RGS7: variants seen among roughly 807,000 people sequenced by gnomAD.
RGS7 encodes regulator of G-protein signaling 7.
RGS7 carries 27 observed loss-of-function variants against 81.1 expected under a neutral mutation model. The ratio of observed to expected loss-of-function variants is 0.33; its 90% CI spans 0.25 to 0.46. The LOEUF (loss-of-function observed/expected upper bound fraction) is 0.46. Among genes scored for constraint, RGS7 ranks in the 20% least tolerant of loss-of-function variants. The pLI is 1.00. For missense variants in RGS7, 396 were observed against 607.4 expected, an observed-to-expected ratio of 0.65 and a Z score of 3.66; for synonymous variants, 208 against 207.7, an observed-to-expected ratio of 1.00 and a Z score of -0.01.
intron 9 of RGS7, among the ~76,000 whole-genome samples, chr1:240,863,409 A>T (rs1662609513): frequency 6.6e-6 from 1 of 152,152 alleles, no homozygotes; most frequent in Non-Finnish European, 1.5e-5. Flanking sequence ...GGGGAGGTGG[A>T]GGTTGCAGTG....
intron 9 of RGS7, among the ~76,000 whole-genome samples, chr1:240,853,850 G>A (rs942803367): frequency 2.6e-4 from 31 of 120,752 alleles, no homozygotes; most frequent in Admixed American, 9.4e-4. Flanking sequence ...GCAGTGAGCC[G>A]AGATCAGGCC....
intron 3 of RGS7, among the ~76,000 whole-genome samples, chr1:241,081,899 G>A (rs1533575): frequency 0.022 from 3,276 of 152,266 alleles, 109 homozygotes; most frequent in African/African-American, 0.074. Flanking sequence ...TGGTTGTACT[G>A]AGAAGAATTT....
chr1:241,001,413 T>C (rs1364893072), intron 3 of RGS7, among the ~76,000 whole-genome samples: 2 of 152,044 alleles, frequency 1.3e-5, no homozygotes, highest in African/African-American at 4.8e-5. Flanking sequence ...ATAGTAAGGA[T>C]AAATAGTAAA....
At chr1:240,912,028 G>A (rs1671836532) in intron 6 of RGS7, among the ~76,000 whole-genome samples, 1 of 151,132 alleles carries the variant, frequency 6.6e-6, no homozygotes, top group African/African-American at 2.4e-5. Context: ...GCAGGGGCCT[G>A]TAGTTCCAGC....
chr1:240,994,528 T>C (rs926474974), intron 3 of RGS7, among the ~76,000 whole-genome samples: 1 of 152,184 alleles, frequency 6.6e-6, no homozygotes, highest in Admixed American at 6.5e-5. Context: ...TATCCTGTAA[T>C]CTTTCTGGAC....
At chr1:241,210,833 CG>C (rs1165576001) in intron 2 of RGS7, among the ~76,000 whole-genome samples, 1 of 152,152 alleles carries the variant, frequency 6.6e-6, no homozygotes, top group African/African-American at 2.4e-5. Context: ...GGGACCTCCC[CG>C]GATCTCTACT....
chr1:240,822,261 A>G (rs1691931126), intron 10 of RGS7, among the ~76,000 whole-genome samples: 1 of 152,026 alleles, frequency 6.6e-6, no homozygotes, highest in African/African-American at 2.4e-5. Context: ...AAGGATATTT[A>G]CTCTTAAAAA....
chr1:240,933,102 TC>T (rs200405484), intron 5 of RGS7, among the ~76,000 whole-genome samples: 3,361 of 150,942 alleles, frequency 0.022, 79 homozygotes, highest in African/African-American at 0.071. Flanking sequence ...CAGGATGGTC[TC>T]CATCTCCTGA....
chr1:240,868,738 A>T lies in RGS7; in HGVS notation c.527+38T>A, dbSNP rs745709773. ...TGCCTCTCTGAACAAAAAGGCCACA[A>T]CTGGAACAAATCTTCCAAACGACTC... is the stretch of plus-strand genomic sequence containing the variant. On this transcript the variant is annotated intron_variant, in intron 8 of 18. Coordinates refer to ENST00000440928, the MANE Select transcript of RGS7 (RefSeq NM_001364886.1). This position sits in a 1 kb window ranked among gnomAD's most constrained non-coding sequence, Gnocchi z 5.1. 3.1e-6 allele frequency: 5 copies of T among 1,612,356 alleles called. No homozygotes were observed. Among genetic ancestry groups the T allele is most frequent in the Admixed American group, 1.7e-5 (1 of 59,986 alleles).
At chr1:240,896,592 G>A (rs1406305813) in intron 6 of RGS7, among the ~76,000 whole-genome samples, 1 of 152,172 alleles carries the variant, frequency 6.6e-6, no homozygotes, top group East Asian at 1.9e-4. Context: ...TCAGATGGTT[G>A]TAGATGTGTG....
At chr1:241,149,188 T>C (rs2068571352) in intron 2 of RGS7, among the ~76,000 whole-genome samples, 1 of 152,114 alleles carries the variant, frequency 6.6e-6, no homozygotes, top group African/African-American at 2.4e-5. Flanking sequence ...TTTTTTGAGA[T>C]GAAGTCTTGC....
At chr1:240,985,428 T>C (rs1216388208) in intron 3 of RGS7, among the ~76,000 whole-genome samples, 1 of 149,422 alleles carries the variant, frequency 6.7e-6, no homozygotes, top group Non-Finnish European at 1.5e-5. Flanking sequence ...TCTGTTACGC[T>C]TTCTTTCCTT....
intron 6 of RGS7, among the ~76,000 whole-genome samples, chr1:240,906,410 T>C (rs553412420): frequency 1.3e-5 from 2 of 152,304 alleles, no homozygotes; most frequent in South Asian, 4.1e-4. Context: ...GAGTGTTTCA[T>C]CTCGTGGTAT....
At chr1:241,188,267 A>AGT (rs1401062167) in intron 2 of RGS7, among the ~76,000 whole-genome samples, 50 of 143,972 alleles carry the variant, frequency 3.5e-4, no homozygotes, top group South Asian at 1.4e-3. Flanking sequence ...CTTCTATTAT[A>AGT]GTCCTTTTCT....
chr1:241,150,882 G>A (rs1030798333), intron 2 of RGS7, among the ~76,000 whole-genome samples: 11 of 152,192 alleles, frequency 7.2e-5, no homozygotes, highest in African/African-American at 2.6e-4. Flanking sequence ...CTCTGTCTGA[G>A]GCCAAAGGCA....
chr1:240,883,020 C>A (rs1026018627), intron 6 of RGS7, among the ~76,000 whole-genome samples: 1 of 152,138 alleles, frequency 6.6e-6, no homozygotes, highest in African/African-American at 2.4e-5. Context: ...CAACAGTTTG[C>A]TGAGAATGAT....
intron 3 of RGS7, among the ~76,000 whole-genome samples, chr1:241,077,211 G>A (rs1179774764): frequency 1.3e-5 from 2 of 152,088 alleles, no homozygotes; most frequent in Admixed American, 6.6e-5. Context: ...AACAAAATGT[G>A]ACAAAAGGAA....
intron 3 of RGS7, among the ~76,000 whole-genome samples, chr1:241,032,785 A>C (rs377354184): frequency 1.1e-4 from 17 of 152,258 alleles, no homozygotes; most frequent in African/African-American, 4.1e-4. Context: ...CAACTTCATC[A>C]TTATTTGTGT....
At chr1:241,246,111 A>G (rs2076527082) in intron 2 of RGS7, among the ~76,000 whole-genome samples, 1 of 152,064 alleles carries the variant, frequency 6.6e-6, no homozygotes, top group Non-Finnish European at 1.5e-5. Context: ...CTCAAAAATA[A>G]ATAAATAAAA....
Sources: gnomAD v4.1 joint callset for allele counts (sites outside exome capture counted in the v4.1 genomes callset) on GRCh38, gnomAD v4.1.1 for gene constraint, Gnocchi (gnomAD v3.1) non-coding constraint, MANE v1.5 for transcripts, NCBI Gene and HGNC (gene_info 2026-07-23, HGNC 2026-07-21) for gene names.